CPNE5: variants seen among roughly 807,000 people sequenced by gnomAD.
CPNE5 encodes the protein copine 5, also known as copine-5.
CPNE5 carries 42 observed loss-of-function variants against 81.1 expected under a neutral mutation model. That is an observed-to-expected ratio of 0.52 (90% confidence interval 0.40 to 0.67). The LOEUF is 0.67. Among genes scored for constraint, CPNE5 ranks in the 30% least tolerant of loss-of-function variants. The pLI, the probability that CPNE5 is intolerant of heterozygous loss-of-function variation, is 0.00. For missense variants in CPNE5, 612 were observed against 815.5 expected (o/e 0.75, Z 3.04); for synonymous variants, 313 against 321.5 (o/e 0.97, Z 0.28).
At chr6:36,747,101 C>T (rs1349025455) in intron 15 of CPNE5, among the ~76,000 whole-genome samples, 2 of 152,162 alleles carry the variant, frequency 1.3e-5, no homozygotes, top group African/African-American at 2.4e-5. Context: ...CTACCTGGGA[C>T]ACTCTTCCCC....
At chr6:36,782,819 ACACACAC>A (rs1768153853) in intron 8 of CPNE5, among the ~76,000 whole-genome samples, 1 of 36,528 alleles carries the variant, frequency 2.7e-5, no homozygotes, top group African/African-American at 8.6e-5. Flanking sequence ...AAACCAAAAC[ACACACAC>A]ACACACACAC....
intron 9 of CPNE5, among the ~76,000 whole-genome samples, chr6:36,778,333 T>G (rs1199070461): frequency 6.6e-6 from 1 of 152,100 alleles, no homozygotes; most frequent in African/African-American, 2.4e-5. Flanking sequence ...GGCTTCAAAG[T>G]CTGGAGTTCC....
At chr6:36,759,341 A>G (rs1466809096) in intron 12 of CPNE5, among the ~76,000 whole-genome samples, 1 of 151,500 alleles carries the variant, frequency 6.6e-6, no homozygotes, top group African/African-American at 2.4e-5. Context: ...GCAGGGGGCC[A>G]GCGCCACCTA....
chr6:36,756,357 G>C, intron 12 of CPNE5, 59 bp from the exon 13 acceptor site: 1 of 1,477,560 alleles, frequency 6.8e-7, no homozygotes, highest in Non-Finnish European at 9.4e-7. Context: ...GGTGAGTCTT[G>C]AGGGCTTCCA....
At chr6:36,784,067 A>G (rs776799637) in intron 8 of CPNE5, among the ~76,000 whole-genome samples, 3 of 152,230 alleles carry the variant, frequency 2.0e-5, no homozygotes, top group Non-Finnish European at 4.4e-5. Flanking sequence ...AAAATTAAAA[A>G]CAAAAAAAGG....
chr6:36,791,075 G>C (rs968088619), intron 8 of CPNE5, among the ~76,000 whole-genome samples: 1 of 152,066 alleles, frequency 6.6e-6, no homozygotes, highest in African/African-American at 2.4e-5. Context: ...GTGTTCCCAG[G>C]GTAGCCCAGG....
intron 1 of CPNE5, among the ~76,000 whole-genome samples, chr6:36,829,330 TA>T (rs1211012632): frequency 6.6e-6 from 1 of 151,058 alleles, no homozygotes; most frequent in South Asian, 2.1e-4. Context: ...ACCCTGTCTC[TA>T]AAAAAAATAA....
At chr6:36,777,758 C>T (rs1220385040) in intron 9 of CPNE5, among the ~76,000 whole-genome samples, 2 of 75,524 alleles carry the variant, frequency 2.6e-5, no homozygotes, top group African/African-American at 5.5e-5. Context: ...TGCCTACCCC[C>T]CCCCCCACCA....
chr6:36,828,449 G>GACA (rs10676548), intron 1 of CPNE5, among the ~76,000 whole-genome samples: 1 of 151,602 alleles, frequency 6.6e-6, no homozygotes. Context: ...AGCCAGAAAG[G>GACA]CATATTTGCT....
At position 36,836,115 on chromosome 6, in the gene CPNE5, A is replaced by C. The variant is rs561628494; in HGVS notation, c.95+3168T>G. 2.0e-5 allele frequency among the ~76,000 whole-genome samples: 3 copies of C among 152,308 alleles called. No individual in the cohort carries two copies. The East Asian group carries it at 5.8e-4, about 29-fold the overall frequency. Reference sequence around the variant, plus strand: ...CATAACCGTTGTGCCAAATAACCAAAGGCTTTCTAATCTTGGGCCCTGAGT... The same window carrying C: ...CATAACCGTTGTGCCAAATAACCAACGGCTTTCTAATCTTGGGCCCTGAGT... On this transcript the variant is annotated intron_variant, in intron 1 of 20. Coordinates refer to ENST00000244751, the MANE Select transcript of CPNE5 (RefSeq NM_020939.2).
intron 1 of CPNE5, among the ~76,000 whole-genome samples, chr6:36,830,430 G>A (rs1300015757): frequency 1.3e-5 from 2 of 152,206 alleles, no homozygotes; most frequent in Non-Finnish European, 2.9e-5. Context: ...GGAGCTGGGA[G>A]GAGAGAAGCC....
rs1773810256 is a variant in CPNE5, at chr6:36,839,175, G to A, written c.95+108C>T. On this transcript the variant is annotated intron_variant, in intron 1 of 20. Transcript: ENST00000244751. This position sits in a 1 kb window ranked among gnomAD's most constrained non-coding sequence, Gnocchi z 7.3. The stretch of plus-strand genomic sequence containing the variant: ...GGCAGGGGCGCAGTCCTGGAGACCA[G>A]GACACTCTGGGAAGGGGGCGCGCGG... 3 of 784,244 alleles carry A rather than the reference G, an allele frequency of 3.8e-6. No individual in the cohort carries two copies. The highest frequency in any genetic ancestry group is 5.9e-6 in the Non-Finnish European group (3 of 505,650). The allele number at this position is 784,244 out of a possible 1,614,324, so 48.6% of individuals were successfully genotyped here.
intron 10 of CPNE5, among the ~76,000 whole-genome samples, chr6:36,767,550 C>T (rs1766669663): frequency 6.6e-6 from 1 of 152,198 alleles, no homozygotes; most frequent in East Asian, 1.9e-4. Context: ...CCCAGTCCTT[C>T]CCCAGACCGC....
chr6:36,824,312 C>T (rs1221234074), intron 1 of CPNE5, among the ~76,000 whole-genome samples: 1 of 152,160 alleles, frequency 6.6e-6, no homozygotes, highest in Non-Finnish European at 1.5e-5. Context: ...ACAGTCTCTC[C>T]GAAGTGCCAG....
chr6:36,803,629 C>A (rs1434217456), intron 3 of CPNE5, among the ~76,000 whole-genome samples: 3 of 152,216 alleles, frequency 2.0e-5, no homozygotes, highest in Admixed American at 2.0e-4. Context: ...TGTGTAAATT[C>A]ATTTCAACAT....
At chr6:36,795,790 C>T (rs1769514362) in intron 6 of CPNE5, among the ~76,000 whole-genome samples, 1 of 152,196 alleles carries the variant, frequency 6.6e-6, no homozygotes, top group Non-Finnish European at 1.5e-5. Flanking sequence ...ACAAGCAAAA[C>T]ACTGACCCTC....
chr6:36,806,167 C>G (rs1476132870), intron 3 of CPNE5, among the ~76,000 whole-genome samples: 1 of 152,170 alleles, frequency 6.6e-6, no homozygotes, highest in Non-Finnish European at 1.5e-5. Flanking sequence ...GCGGTTGGGC[C>G]TGGGCTGATA....
chr6:36,777,546 C>A (rs1767622051), intron 9 of CPNE5, among the ~76,000 whole-genome samples: 1 of 152,132 alleles, frequency 6.6e-6, no homozygotes, highest in African/African-American at 2.4e-5. Flanking sequence ...ATATGCAGGC[C>A]TTTTCCTCCC....
intron 10 of CPNE5, 47 bp from the exon 11 acceptor site, chr6:36,765,423 C>A: frequency 6.2e-7 from 1 of 1,610,674 alleles, no homozygotes; most frequent in South Asian, 1.1e-5. Context: ...CCCACACCCA[C>A]GTGGCTGAGG....
Sources: gnomAD v4.1 joint callset for allele counts (sites outside exome capture counted in the v4.1 genomes callset) on GRCh38, gnomAD v4.1.1 for gene constraint, Gnocchi (gnomAD v3.1) non-coding constraint, MANE v1.5 for transcripts, NCBI Gene and HGNC (gene_info 2026-07-23, HGNC 2026-07-21) for gene names.